XKR4: variants seen among roughly 807,000 people sequenced by gnomAD.
XKR4 encodes the protein XK-related protein 4.
Under a neutral mutation model 53.9 loss-of-function variants are expected in XKR4, and 12 were observed. The observed-to-expected ratio is 0.22, with a 90% CI of 0.14 to 0.36. The LOEUF (loss-of-function observed/expected upper bound fraction) is 0.36, where lower values mean the gene tolerates loss of function less well. Ranked by LOEUF, XKR4 falls within the 10% of genes least tolerant of loss-of-function variation. The pLI is 1.00. For synonymous variants in XKR4, 354 were observed against 362.4 expected (o/e 0.98, Z 0.26); for missense variants, 799 against 859.5 (o/e 0.93, Z 0.88).
chr8:55,292,144 T>G (rs1819030675), intron 1 of XKR4, among the ~76,000 whole-genome samples: 1 of 152,196 alleles, frequency 6.6e-6, no homozygotes, highest in East Asian at 1.9e-4. Flanking sequence ...TTTTTCCTTT[T>G]GTGCTGTGTC....
At chr8:55,273,652 A>T (rs1167991580) in intron 1 of XKR4, among the ~76,000 whole-genome samples, 1 of 152,084 alleles carries the variant, frequency 6.6e-6, no homozygotes. Flanking sequence ...CCCACCCTGG[A>T]ACTGACTGAG....
intron 2 of XKR4, among the ~76,000 whole-genome samples, chr8:55,437,963 AAAAG>A (rs202098725): frequency 0.23 from 31,355 of 138,728 alleles, 3,498 homozygotes; most frequent in African/African-American, 0.38. Context: ...ACAAAAAAAA[AAAAG>A]AAGAAGAAGA....
chr8:55,150,863 C>T (rs1816831735), intron 1 of XKR4, among the ~76,000 whole-genome samples: 1 of 152,114 alleles, frequency 6.6e-6, no homozygotes, highest in South Asian at 2.1e-4. Context: ...AAAAAGAAGG[C>T]ATATATGGAA....
chr8:55,487,312 T>C (rs1281590762), intron 2 of XKR4, among the ~76,000 whole-genome samples: 1 of 152,160 alleles, frequency 6.6e-6, no homozygotes, highest in African/African-American at 2.4e-5. Context: ...TTATTTGTTC[T>C]CTATGAGCCC....
chr8:55,467,730 C>A (rs1036670905), intron 2 of XKR4, among the ~76,000 whole-genome samples: 4 of 152,114 alleles, frequency 2.6e-5, no homozygotes, highest in Admixed American at 1.3e-4. Flanking sequence ...AGTGAGAGAA[C>A]AAGTATTGAA....
At chr8:55,441,912 C>T (rs6981396) in intron 2 of XKR4, among the ~76,000 whole-genome samples, 33,713 of 151,546 alleles carry the variant, frequency 0.22, 4,266 homozygotes, top group African/African-American at 0.36. Context: ...AGAAGAAAGA[C>T]TCAAAGTTAG....
At chr8:55,145,153 T>G (rs926857436) in intron 1 of XKR4, among the ~76,000 whole-genome samples, 1 of 152,068 alleles carries the variant, frequency 6.6e-6, no homozygotes, top group Non-Finnish European at 1.5e-5. Context: ...TTTTTTATTC[T>G]CCCCAACATG....
At chr8:55,450,249 C>T (rs113569204) in intron 2 of XKR4, 1 of 652,794 alleles carries the variant, frequency 1.5e-6, no homozygotes, top group Non-Finnish European at 2.7e-6. Flanking sequence ...ACCGTTCTTC[C>T]TCAGGGGCTC....
chr8:55,451,460 G>C, intron 2 of XKR4: 2 of 1,251,966 alleles, frequency 1.6e-6, no homozygotes, highest in Non-Finnish European at 2.3e-6. Flanking sequence ...TACTTCTCCT[G>C]CTCCAGGCTA....
chr8:55,209,607 G>A (rs75641046), intron 1 of XKR4, among the ~76,000 whole-genome samples: 3,346 of 152,272 alleles, frequency 0.022, 135 homozygotes, highest in African/African-American at 0.075. Flanking sequence ...CGGACGTGCC[G>A]TGGGGAAGCC....
chr8:55,513,790 G>C (rs1033960399), intron 2 of XKR4, among the ~76,000 whole-genome samples: 3 of 152,170 alleles, frequency 2.0e-5, no homozygotes, highest in Non-Finnish European at 4.4e-5. Context: ...TGAGTTACCA[G>C]GTTTCACAAT....
At position 55,540,235 on chromosome 8, in the gene XKR4, T is replaced by C. The variant is rs1211363743; in HGVS notation, c.*16008T>C. 2 of 152,198 alleles carry C rather than the reference T, an allele frequency of 1.3e-5. No individual in the cohort carries two copies. Among genetic ancestry groups the C allele is most frequent in the East Asian group, 3.8e-4 (2 of 5,204 alleles). The allele number at this position is 152,198 out of a possible 1,614,324, so 9.4% of individuals were successfully genotyped here. Reference sequence around the variant, plus strand: ...ATGTGATGCTTTGTAAATGTATTAATTGTGGTCAATTTTCATGGATATTTC... The same window carrying C: ...ATGTGATGCTTTGTAAATGTATTAACTGTGGTCAATTTTCATGGATATTTC... On this transcript the variant is annotated 3_prime_UTR_variant, in exon 3 of 3. Transcript: ENST00000327381.
intron 2 of XKR4, among the ~76,000 whole-genome samples, chr8:55,373,690 G>A (rs1052166843): frequency 1.3e-5 from 2 of 152,114 alleles, no homozygotes; most frequent in East Asian, 1.9e-4. Context: ...ATGGAAAACA[G>A]GTATTTTTAA....
intron 2 of XKR4, among the ~76,000 whole-genome samples, chr8:55,504,254 C>A (rs1181400831): frequency 6.6e-6 from 1 of 151,608 alleles, no homozygotes; most frequent in African/African-American, 2.4e-5. Context: ...ACTCTGTCGC[C>A]CAGGCTGGAG....
chr8:55,241,009 C>A (rs1282960436), intron 1 of XKR4, among the ~76,000 whole-genome samples: 1 of 152,202 alleles, frequency 6.6e-6, no homozygotes, highest in African/African-American at 2.4e-5. Context: ...AGTCTTCAGC[C>A]AGCAGGGCCA....
chr8:55,130,058 C>A (rs907860404), intron 1 of XKR4, among the ~76,000 whole-genome samples: 3 of 152,172 alleles, frequency 2.0e-5, no homozygotes, highest in African/African-American at 4.8e-5. Flanking sequence ...TGGTTGAAAT[C>A]ATCACTTAAG....
At chr8:55,382,445 G>A (rs56150344) in intron 2 of XKR4, among the ~76,000 whole-genome samples, 15,194 of 152,186 alleles carry the variant, frequency 0.1, 1,610 homozygotes, top group African/African-American at 0.27. Context: ...AATTTGGGCC[G>A]ATATGGCTGA....
chr8:55,417,078 G>A (rs144035011), intron 2 of XKR4, among the ~76,000 whole-genome samples: 3 of 152,184 alleles, frequency 2.0e-5, no homozygotes, highest in African/African-American at 7.2e-5. Context: ...AGGCATCAGA[G>A]GTGTTAAAGG....
chr8:55,144,973 G>A (rs1279883653), intron 1 of XKR4, among the ~76,000 whole-genome samples: 1 of 151,760 alleles, frequency 6.6e-6, no homozygotes, highest in Non-Finnish European at 1.5e-5. Flanking sequence ...CTGGGATTGT[G>A]GGTGCCTGCC....
Sources: gnomAD v4.1 joint callset for allele counts (sites outside exome capture counted in the v4.1 genomes callset) on GRCh38, gnomAD v4.1.1 for gene constraint, MANE v1.5 for transcripts, NCBI Gene and HGNC (gene_info 2026-07-23, HGNC 2026-07-21) for gene names.